Variants in SLFN12L observed in about 807,000 individuals in gnomAD.
SLFN12L encodes schlafen family member 12 like.
SLFN12L carries 34 observed loss-of-function variants against 34.8 expected under a neutral mutation model. The ratio of observed to expected loss-of-function variants is 0.98; its 90% CI spans 0.74 to 1.30. The LOEUF is 1.30. Among genes scored for constraint, SLFN12L ranks in the 50% most tolerant of loss-of-function variants. SLFN12L has a pLI of 0.00. For missense variants in SLFN12L, 703 were observed against 696.2 expected (o/e 1.01, Z -0.11); for synonymous variants, 259 against 247.5 (o/e 1.05, Z -0.44).
In SLFN12L at chr17:35,471,568, A is replaced by G. The variant is rs1165897240; in HGVS notation, c.*3355T>C. Among the ~76,000 whole-genome samples the G allele has an allele frequency of 6.6e-6, 1 of 152,180 alleles. No individual in the cohort carries two copies. The highest frequency in any genetic ancestry group is 1.9e-4 in the East Asian group (1 of 5,206). On this transcript the variant is annotated 3_prime_UTR_variant, in exon 5 of 5. Transcript: ENST00000628453. ...CCACACTGTCTTCCACAATGGTTGA[A>G]CTAATTTACATTCCCACCAACAGTG...
intron 1 of SLFN12L, among the ~76,000 whole-genome samples, chr17:35,535,824 T>A (rs924728350): frequency 1.3e-5 from 2 of 151,850 alleles, no homozygotes; most frequent in African/African-American, 4.8e-5. Context: ...CCCAGGTAAT[T>A]TTTGTATTTT....
At chr17:35,495,467 G>C (rs762049821) in intron 2 of SLFN12L, among the ~76,000 whole-genome samples, 4 of 152,180 alleles carry the variant, frequency 2.6e-5, no homozygotes, top group Non-Finnish European at 5.9e-5. Flanking sequence ...TAAAGCAATA[G>C]AGTGAAGGCT....
At chr17:35,520,113 T>A (rs1475258099) in intron 2 of SLFN12L, among the ~76,000 whole-genome samples, 1 of 152,222 alleles carries the variant, frequency 6.6e-6, no homozygotes, top group African/African-American at 2.4e-5. Context: ...TAAACTATGT[T>A]CTAATAGCCA....
chr17:35,526,285 A>G (rs2072334536), intron 1 of SLFN12L, among the ~76,000 whole-genome samples: 1 of 152,222 alleles, frequency 6.6e-6, no homozygotes, highest in African/African-American at 2.4e-5. Context: ...TACAGTCAAT[A>G]TTAGACAGAT....
At chr17:35,504,430 T>A (rs1181840766) in intron 2 of SLFN12L, among the ~76,000 whole-genome samples, 1 of 152,204 alleles carries the variant, frequency 6.6e-6, no homozygotes. Context: ...AAAACAAACT[T>A]TGGCAATTAA....
intron 4 of SLFN12L, among the ~76,000 whole-genome samples, chr17:35,476,786 C>CTGA (rs1914049772): frequency 7.1e-6 from 1 of 141,236 alleles, no homozygotes. Flanking sequence ...TTCTGTCTGC[C>CTGA]AAAAAAAAAA....
chr17:35,496,553 C>T (rs188951447), intron 2 of SLFN12L, among the ~76,000 whole-genome samples: 5 of 151,032 alleles, frequency 3.3e-5, no homozygotes, highest in Non-Finnish European at 7.4e-5. Flanking sequence ...TCCCTCCCCT[C>T]CCCTCATGAC....
chr17:35,522,310 A>G lies in SLFN12L; in HGVS notation c.55T>C (p.Cys19Arg), dbSNP rs755407661. 12 of 1,614,072 alleles carry G rather than the reference A, an allele frequency of 7.4e-6. No individual in the cohort carries two copies. The highest frequency in any genetic ancestry group is 3.3e-5 in the Admixed American group (2 of 60,010). ...HCEAHRILYI[C>R]ESQFLRNFIR... ...AAATTCCTCAGAAACTGACTTTCAC[A>G]AATGTAGAGAATTCTGTGTGCCTCA... The change falls in exon 2 of 5, where the codon TGT (cysteine) becomes CGT (arginine). Residue 19 changes from cysteine to arginine, a missense_variant. Physicochemically the swap from Cys to Arg is radical, Grantham distance 180. Transcript: ENST00000628453.
chr17:35,501,707 T>C (rs749622414), intron 2 of SLFN12L, among the ~76,000 whole-genome samples: 2 of 152,172 alleles, frequency 1.3e-5, no homozygotes, highest in Non-Finnish European at 1.5e-5. Context: ...TGGAGTACTA[T>C]GACACCAGGA....
At chr17:35,493,171 C>T (rs1644891343) in intron 2 of SLFN12L, among the ~76,000 whole-genome samples, 1 of 152,188 alleles carries the variant, frequency 6.6e-6, no homozygotes. Flanking sequence ...AACCTCCATC[C>T]CTGGCTTCCT....
intron 1 of SLFN12L, among the ~76,000 whole-genome samples, chr17:35,536,882 C>T (rs999553857): frequency 6.6e-6 from 1 of 151,408 alleles, no homozygotes; most frequent in Admixed American, 6.6e-5. Flanking sequence ...GCTAAAGAAT[C>T]TTCACAGGCG....
chr17:35,513,334 G>T (rs923641944), intron 2 of SLFN12L, among the ~76,000 whole-genome samples: 1 of 152,076 alleles, frequency 6.6e-6, no homozygotes, highest in African/African-American at 2.4e-5. Flanking sequence ...ACCAGAGGGA[G>T]ACACTGGAAC....
intron 2 of SLFN12L, among the ~76,000 whole-genome samples, chr17:35,495,394 T>TA (rs764729661): frequency 2.6e-5 from 4 of 152,180 alleles, no homozygotes; most frequent in Non-Finnish European, 5.9e-5. Flanking sequence ...TTATACACTT[T>TA]AAATACGTAC....
At position 35,469,340 on chromosome 17, in the gene SLFN12L, T is replaced by C. The variant is rs901551009; in HGVS notation, c.*5583A>G. On this transcript the variant is annotated 3_prime_UTR_variant, in exon 5 of 5. Transcript: ENST00000628453. ...ATTATATATATAAATATATATATAATATATATATATATGTATTTCAAACTT... is the reference window on the plus strand; with the variant it reads ...ATTATATATATAAATATATATATAACATATATATATATGTATTTCAAACTT... Among the ~76,000 whole-genome samples, 1 of 122,074 alleles carries C rather than the reference T, an allele frequency of 8.2e-6. No homozygotes were observed. Among genetic ancestry groups the C allele is most frequent in the South Asian group, 3.5e-4 (1 of 2,884 alleles). The allele number at this position is 122,074 out of a possible 152,430, so 80.1% of individuals were successfully genotyped here. A position where few individuals can be genotyped will look rare whatever the true frequency, so the allele number is the denominator to read the frequency against.
chr17:35,471,470 C>A lies in SLFN12L; in HGVS notation c.*3453G>T, dbSNP rs769196180. Among the ~76,000 whole-genome samples, 25 of 152,138 alleles carry A rather than the reference C, an allele frequency of 1.6e-4. No individual in the cohort carries two copies. The highest frequency in any genetic ancestry group is 2.9e-4 in the Non-Finnish European group (20 of 68,028). On this transcript the variant is annotated 3_prime_UTR_variant, in exon 5 of 5. Transcript: ENST00000628453. The stretch of plus-strand genomic sequence containing the variant: ...TCTTTATAGTAGAATGATTTACATT[C>A]CTTTGGGTATATACCCAGTAATGGG...
At chr17:35,508,022 G>A (rs1425651987) in intron 2 of SLFN12L, among the ~76,000 whole-genome samples, 2 of 152,170 alleles carry the variant, frequency 1.3e-5, no homozygotes, top group Admixed American at 6.5e-5. Context: ...CTGGTGCCGT[G>A]CCCTGGGCCT....
chr17:35,532,301 G>T (rs1010557706), intron 1 of SLFN12L, among the ~76,000 whole-genome samples: 2 of 151,982 alleles, frequency 1.3e-5, no homozygotes, highest in African/African-American at 2.4e-5. Flanking sequence ...TTAGCTGGGC[G>T]TGGTGGCACA....
chr17:35,537,124 G>A (rs768357410), intron 1 of SLFN12L, among the ~76,000 whole-genome samples: 2 of 152,056 alleles, frequency 1.3e-5, no homozygotes, highest in Non-Finnish European at 2.9e-5. Context: ...AAGCTGCAGT[G>A]AGTTGTGATC....
At chr17:35,516,889 A>G (rs1915845640) in intron 2 of SLFN12L, among the ~76,000 whole-genome samples, 2 of 152,232 alleles carry the variant, frequency 1.3e-5, no homozygotes, top group Non-Finnish European at 2.9e-5. Context: ...AAATATTATC[A>G]TTTTGACACG....
Sources: gnomAD v4.1 joint callset for allele counts (sites outside exome capture counted in the v4.1 genomes callset) on GRCh38, gnomAD v4.1.1 for gene constraint, MANE v1.5 for transcripts, NCBI Gene and HGNC (gene_info 2026-07-23, HGNC 2026-07-21) for gene names.